Variants in MNT observed in about 807,000 individuals in gnomAD.
The protein encoded by MNT is max-binding protein MNT.
MNT carries 13 observed loss-of-function variants against 40.7 expected under a neutral mutation model. The ratio of observed to expected loss-of-function variants is 0.32; its 90% CI spans 0.21 to 0.51. The LOEUF (loss-of-function observed/expected upper bound fraction) is 0.51. Ranked by LOEUF, MNT falls within the 20% of genes least tolerant of loss-of-function variation. MNT has a pLI of 0.98. For synonymous variants in MNT, 426 were observed against 354.8 expected (o/e 1.20, Z -2.26); for missense variants, 757 against 792.0 (o/e 0.96, Z 0.53).
At position 2,387,463 on chromosome 17, in the gene MNT, A is replaced by G; in HGVS notation, c.1187T>C (p.Leu396Pro). The change falls in exon 6 of 6, where the codon CTC becomes CCC. Residue 396 changes from leucine (L) to proline (P), a missense_variant. Leu to Pro is a moderately conservative substitution (Grantham distance 98, BLOSUM62 -3). Around this residue, in one of 4 missense-constraint regions of MNT, gnomAD observed 345 missense variants for 380.1 expected, o/e 0.91. Coordinates refer to ENST00000174618, the MANE Select transcript of MNT (RefSeq NM_020310.3). ...PHSVALPPAH[L>P]PVQQQQPQQK... ...CTGTGGCTGCTGCTGCTGCACGGGG[A>G]GGTGGGCAGGAGGTAGGGCCACGGA... is the stretch of plus-strand genomic sequence containing the variant. 1 of 1,608,178 alleles carries G rather than the reference A, an allele frequency of 6.2e-7. No homozygotes were observed. Among genetic ancestry groups the G allele is most frequent in the South Asian group, 1.1e-5 (1 of 90,774 alleles).
At position 2,385,186 on chromosome 17, in the gene MNT, CAGGACCAGGA is replaced by C. The variant is rs1409491426; in HGVS notation, c.*1705_*1714del. ...AAGGAACAGTCCCCTGGGAGGTGTC[CAGGACCAGGA>C]GGGAACAGGAAGGGAATTTTTAGGC... On this transcript the variant is annotated 3_prime_UTR_variant, in exon 6 of 6. Coordinates refer to ENST00000174618, the MANE Select transcript of MNT (RefSeq NM_020310.3). 6.6e-6 allele frequency: 1 copy of C among 152,302 alleles called. No individual in the cohort carries two copies. The highest frequency in any genetic ancestry group is 2.4e-5 in the African/African-American group (1 of 41,428). The allele number at this position is 152,302 out of a possible 1,614,324, so 9.4% of individuals were successfully genotyped here.
chr17:2,398,575 C>T (rs1403688671), intron 1 of MNT, among the ~76,000 whole-genome samples: 1 of 152,192 alleles, frequency 6.6e-6, no homozygotes, highest in Admixed American at 6.5e-5. Context: ...TCCGGACACC[C>T]GTACATGAGT....
At chr17:2,399,582 G>C (rs1325269706) in intron 1 of MNT, among the ~76,000 whole-genome samples, 2 of 152,156 alleles carry the variant, frequency 1.3e-5, no homozygotes, top group Non-Finnish European at 2.9e-5. Context: ...GGCTCTCCCT[G>C]GGAGGTGCCC....
chr17:2,397,729 G>C (rs982351742), intron 1 of MNT, among the ~76,000 whole-genome samples: 9 of 152,122 alleles, frequency 5.9e-5, no homozygotes, highest in Non-Finnish European at 1.3e-4. Context: ...CCAGCCCACC[G>C]GAGCTTCCTG....
Position 2,395,307 on chromosome 17 carries a change from G to T in MNT, c.221C>A (p.Pro74Gln), listed in dbSNP as rs755261009. 1.3e-6 allele frequency: 2 copies of T among 1,597,766 alleles called. No homozygotes were observed. The highest frequency in any genetic ancestry group is 1.1e-5 in the South Asian group (1 of 89,878). ...PLPLSPPAPP[P>Q]APPPPLATPA... ...GGTGGCAAGTGGTGGTGGGGGTGCC[G>T]GCGGGGGAGCCGGTGGAGACAGAGG... The change falls in exon 2 of 6, where the codon CCG (proline) becomes CAG (glutamine). Residue 74 changes from proline to glutamine, a missense_variant. Around this residue, in one of 4 missense-constraint regions of MNT, gnomAD observed 335 missense variants for 291.4 expected, o/e 1.15. Transcript: ENST00000174618.
chr17:2,394,279 A>ACACACACG, intron 3 of MNT, 26 bp downstream of exon 3: 1 of 726,576 alleles, frequency 1.4e-6, no homozygotes. Context: ...GCACGCACGC[A>ACACACACG]CACACACACA....
At position 2,395,175 on chromosome 17, in the gene MNT, G is replaced by A. The variant is rs1369795146; in HGVS notation, c.353C>T (p.Pro118Leu). The change falls in exon 2 of 6, where the codon CCT (proline) becomes CTT (leucine). Residue 118 changes from proline (P) to leucine (L), a missense_variant. Pro to Leu is a moderately conservative substitution (Grantham distance 98). Coordinates refer to ENST00000174618, the MANE Select transcript of MNT (RefSeq NM_020310.3). ...GGCGCCAACCAGGGCCGGCTGACGA[G>A]GCGCCAGGGGCAGAGGCTGGGCTGC... ...PAAAQPLPLA[P>L]RQPALVGAPG... 2 of 1,456,904 alleles carry A rather than the reference G, an allele frequency of 1.4e-6. No homozygotes were observed. Among genetic ancestry groups the A allele is most frequent in the Admixed American group, 2.7e-5 (1 of 36,920 alleles). 90.2% of individuals were successfully genotyped at this position (1,456,904 alleles called of 1,614,324 possible). A position where few individuals can be genotyped will look rare whatever the true frequency, so the allele number is the denominator to read the frequency against.
chr17:2,384,088 G>C lies in MNT; in HGVS notation c.*2813C>G, dbSNP rs2066434542. On this transcript the variant is annotated 3_prime_UTR_variant, in exon 6 of 6. Transcript: ENST00000174618. ...CAGCTCCATCTCAGGTTTCAGTGCAGGTTTATTTCAGTTTTATATTTTATT... is the reference window on the plus strand; with the variant it reads ...CAGCTCCATCTCAGGTTTCAGTGCACGTTTATTTCAGTTTTATATTTTATT... 1.3e-5 allele frequency: 2 copies of C among 152,348 alleles called. No individual in the cohort carries two copies. Among genetic ancestry groups the C allele is most frequent in the Non-Finnish European group, 2.9e-5 (2 of 67,998 alleles). 9.4% of individuals were successfully genotyped at this position (152,348 alleles called of 1,614,324 possible). A position where few individuals can be genotyped will look rare whatever the true frequency, so the allele number is the denominator to read the frequency against.
Position 2,395,047 on chromosome 17 carries a change from C to A in MNT, c.481G>T (p.Gly161Cys). 1 of 1,577,042 alleles carries A rather than the reference C, an allele frequency of 6.3e-7. No individual in the cohort carries two copies. The highest frequency in any genetic ancestry group is 8.6e-7 in the Non-Finnish European group (1 of 1,162,390). ...AGGGGCTGCAAAGGCTTGGGGCTGC[C>A]ATTGGGTGGAATGGTGGCCTTCGAG... The part of the protein sequence containing the change: ...PDSKATIPPN[G>C]SPKPLQPLPT... The change falls in exon 2 of 6, where the codon GGC becomes TGC. Residue 161 changes from glycine (G) to cysteine (C), a missense_variant. Around this residue, in one of 4 missense-constraint regions of MNT, gnomAD observed 335 missense variants for 291.4 expected, o/e 1.15. Transcript: ENST00000174618.
chr17:2,394,938 C>T lies in MNT; in HGVS notation c.590G>A (p.Gly197Glu), dbSNP rs747176593. 7 of 1,607,760 alleles carry T rather than the reference C, an allele frequency of 4.4e-6. No individual in the cohort carries two copies. Among genetic ancestry groups the T allele is most frequent in the Non-Finnish European group, 5.9e-6 (7 of 1,177,526 alleles). ...APQQPPPPTLGTLKLAPAEEV... is the reference protein window; with the variant it reads ...APQQPPPPTLETLKLAPAEEV... ...TTCAGCTGGTGCCAACTTCAGGGTC[C>T]CCAGCGTGGGTGGGGGCGGCTGCTG... Residue 197 changes from glycine (G) to glutamate (E), a missense_variant, in exon 2 of 6, where the codon GGG becomes GAG. Physicochemically the swap from Gly to Glu is moderately conservative, Grantham distance 98. Around this residue, in one of 4 missense-constraint regions of MNT, gnomAD observed 335 missense variants for 291.4 expected, o/e 1.15. Coordinates refer to ENST00000174618, the MANE Select transcript of MNT (RefSeq NM_020310.3).
At chr17:2,399,208 C>T (rs1448634635) in intron 1 of MNT, among the ~76,000 whole-genome samples, 1 of 152,088 alleles carries the variant, frequency 6.6e-6, no homozygotes, top group Non-Finnish European at 1.5e-5. Flanking sequence ...GGGTCCTGCA[C>T]ACACACCGTT....
intron 4 of MNT, 196 bp downstream of exon 4, chr17:2,393,847 C>T (rs1309874780): frequency 1.4e-5 from 4 of 295,572 alleles, no homozygotes; most frequent in East Asian, 1.2e-4. Context: ...CCGCGCCCTC[C>T]TCTGCGCACG....
chr17:2,386,784 G>A lies in MNT; in HGVS notation c.*117C>T, dbSNP rs2066465503. On this transcript the variant is annotated 3_prime_UTR_variant, in exon 6 of 6. Coordinates refer to ENST00000174618, the MANE Select transcript of MNT (RefSeq NM_020310.3). ...GCACCCCCTTCCCCTAGGAGGCCTG[G>A]GGGTGGGTGGGGGGGCTGGCCTGGG... 1.8e-6 allele frequency: 2 copies of A among 1,138,862 alleles called. No individual in the cohort carries two copies. The highest frequency in any genetic ancestry group is 2.4e-6 in the Non-Finnish European group (2 of 833,540). 70.5% of individuals were successfully genotyped at this position (1,138,862 alleles called of 1,614,324 possible). A position where few individuals can be genotyped will look rare whatever the true frequency, so the allele number is the denominator to read the frequency against.
chr17:2,400,617 AG>A, intron 1 of MNT, 22 bp downstream of exon 1: 1 of 1,569,716 alleles, frequency 6.4e-7, no homozygotes. Flanking sequence ...CCAGTGCCCC[AG>A]GGGCCCAGCC....
chr17:2,395,900 G>A (rs535459543), intron 1 of MNT, among the ~76,000 whole-genome samples: 19 of 152,202 alleles, frequency 1.2e-4, no homozygotes, highest in South Asian at 2.1e-4. Context: ...CACACCAGAG[G>A]GGGGGGTGTG....
chr17:2,400,797 G>T lies in MNT; in HGVS notation c.-85C>A. The T allele has an allele frequency of 8.2e-7, 1 of 1,226,012 alleles. No individual in the cohort carries two copies. Among genetic ancestry groups the T allele is most frequent in the Non-Finnish European group, 1.1e-6 (1 of 920,686 alleles). The allele number at this position is 1,226,012 out of a possible 1,614,324, so 75.9% of individuals were successfully genotyped here. ...AGGTCAGGCTGGCGGGCAGGCAGGA[G>T]GGAGGGATCACCTCCGGGGGGCGAC... is the stretch of plus-strand genomic sequence containing the variant. On this transcript the variant is annotated 5_prime_UTR_variant, in exon 1 of 6. Transcript: ENST00000174618.
At chr17:2,400,341 C>G in intron 1 of MNT, 1 of 319,412 alleles carries the variant, frequency 3.1e-6, no homozygotes. Flanking sequence ...TCAGTGCCAC[C>G]GAGGGCTCCG....
chr17:2,388,707 G>A (rs1280854974), intron 4 of MNT, among the ~76,000 whole-genome samples: 2 of 152,046 alleles, frequency 1.3e-5, no homozygotes, highest in African/African-American at 4.8e-5. Flanking sequence ...CGTGCCCCCT[G>A]TACTTGGGCT....
intron 3 of MNT, 31 bp downstream of exon 3, chr17:2,394,274 C>T: frequency 1.3e-6 from 2 of 1,519,720 alleles, no homozygotes; most frequent in Middle Eastern, 1.9e-4. Context: ...CGCACGCACG[C>T]ACGCACACAC....
Sources: gnomAD v4.1 joint callset for allele counts (sites outside exome capture counted in the v4.1 genomes callset) on GRCh38, gnomAD v4.1.1 for gene constraint, gnomAD v4.1.1 regional missense constraint, MANE v1.5 for transcripts, NCBI Gene and HGNC (gene_info 2026-07-23, HGNC 2026-07-21) for gene names.